The following CDK12 variants were observed in gnomAD, a reference collection of about 807,000 sequenced individuals.
CDK12 encodes cyclin dependent kinase 12.
Under a neutral mutation model 133.8 loss-of-function variants are expected in CDK12, and 17 were observed. That is an observed-to-expected ratio of 0.13 (90% CI 0.09 to 0.19). The LOEUF is 0.19. CDK12 is among the 10% of genes least tolerant of loss of function. CDK12 has a pLI of 1.00. For synonymous variants in CDK12, 694 were observed against 683.6 expected (o/e 1.02, Z -0.24); for missense variants, 1,508 against 1,818.7 (o/e 0.83, Z 3.11).
chr17:39,499,939 G>C (rs2052602495), intron 5 of CDK12, among the ~76,000 whole-genome samples: 1 of 152,188 alleles, frequency 6.6e-6, no homozygotes, highest in Admixed American at 6.6e-5. Flanking sequence ...AAATGGGCAT[G>C]GTTGTGTTAC....
intron 13 of CDK12, among the ~76,000 whole-genome samples, chr17:39,528,493 C>G (rs1045265026): frequency 6.6e-6 from 1 of 151,454 alleles, no homozygotes; most frequent in South Asian, 2.1e-4. Flanking sequence ...ACACCAGGCC[C>G]GGCTAATTTT....
intron 5 of CDK12, among the ~76,000 whole-genome samples, chr17:39,500,503 C>T (rs2052641638): frequency 2.0e-5 from 3 of 151,240 alleles, no homozygotes; most frequent in African/African-American, 4.9e-5. Context: ...TGTGGTGGCA[C>T]ATGCCTGTAA....
At chr17:39,524,499 C>G (rs1439425476) in intron 11 of CDK12, among the ~76,000 whole-genome samples, 175 bp from the exon 12 acceptor site, 1 of 152,188 alleles carries the variant, frequency 6.6e-6, no homozygotes, top group African/African-American at 2.4e-5. Context: ...TACCATCTGC[C>G]ATGATTTATT....
At chr17:39,518,461 A>C (rs1236606962) in intron 10 of CDK12, among the ~76,000 whole-genome samples, 4 of 151,892 alleles carry the variant, frequency 2.6e-5, no homozygotes, top group Non-Finnish European at 4.4e-5. Context: ...AGGCTGAGGC[A>C]GGAAGATCAC....
At chr17:39,562,186 C>T (rs1463053125) in intron 3 of CDK12, among the ~76,000 whole-genome samples, 1 of 152,226 alleles carries the variant, frequency 6.6e-6, no homozygotes, top group East Asian at 1.9e-4. Context: ...GATCCACCCG[C>T]CTCAGCCTCC....
intron 3 of CDK12, among the ~76,000 whole-genome samples, chr17:39,560,552 C>CT (rs1253722148): frequency 6.6e-6 from 1 of 152,212 alleles, no homozygotes; most frequent in African/African-American, 2.4e-5. Flanking sequence ...GATAATAAGG[C>CT]TTTTTCCACC....
intron 2 of CDK12, among the ~76,000 whole-genome samples, chr17:39,486,253 CTTT>C (rs35710234): frequency 5.8e-5 from 5 of 86,528 alleles, no homozygotes; most frequent in Admixed American, 4.2e-4. Context: ...CACCCTGCCT[CTTT>C]TTTTTTTTTT....
intron 6 of CDK12, 51 bp downstream of exon 6, chr17:39,501,490 T>A: frequency 1.6e-6 from 2 of 1,278,434 alleles, no homozygotes. Context: ...TCCTCTGACC[T>A]TTTTAGTTTC....
At chr17:39,483,047 G>T (rs1448636793) in intron 2 of CDK12, among the ~76,000 whole-genome samples, 1 of 151,864 alleles carries the variant, frequency 6.6e-6, no homozygotes, top group African/African-American at 2.4e-5. Context: ...TGAATAGCTG[G>T]GGTTACAGGC....
chr17:39,550,079 G>C (rs2055892212), upstream of CDK12: 1 of 152,088 alleles, frequency 6.6e-6, no homozygotes, highest in Non-Finnish European at 1.5e-5. Flanking sequence ...AGGGGGTGGA[G>C]AGACCAAGCT....
At chr17:39,542,172 T>A (rs749094957) in intron 1 of CDK12, among the ~76,000 whole-genome samples, 14 of 151,954 alleles carry the variant, frequency 9.2e-5, no homozygotes, top group Admixed American at 6.6e-4. Context: ...TGTGTGTGTG[T>A]GTATCTTAAA....
intron 8 of CDK12, among the ~76,000 whole-genome samples, chr17:39,513,044 T>C (rs1263698881): frequency 6.6e-6 from 1 of 152,216 alleles, no homozygotes; most frequent in African/African-American, 2.4e-5. Flanking sequence ...AGAAAACATC[T>C]TGTTTTTGGT....
chr17:39,508,034 CCT>C (rs2053241825), intron 6 of CDK12, among the ~76,000 whole-genome samples: 1 of 151,996 alleles, frequency 6.6e-6, no homozygotes, highest in East Asian at 1.9e-4. Flanking sequence ...TTGAGTATCC[CCT>C]GTGCTTGAGA....
upstream of CDK12, among the ~76,000 whole-genome samples, chr17:39,547,166 G>C (rs910009591): frequency 1.0e-5 from 1 of 98,572 alleles, no homozygotes; most frequent in South Asian, 3.1e-4. Context: ...ACGGAGTTTC[G>C]CTTTTGTTGC....
intron 2 of CDK12, among the ~76,000 whole-genome samples, chr17:39,489,368 C>T (rs1302402911): frequency 3.9e-5 from 6 of 152,042 alleles, no homozygotes; most frequent in South Asian, 4.2e-4. Context: ...CCGTGCCTGG[C>T]CAGTTTCTAT....
At chr17:39,493,050 T>C (rs1223704752) in intron 4 of CDK12, among the ~76,000 whole-genome samples, 160 bp downstream of exon 4, 2 of 152,086 alleles carry the variant, frequency 1.3e-5, no homozygotes, top group Non-Finnish European at 2.9e-5. Context: ...TGGAGTGCAG[T>C]GGTGCAGTCT....
At chr17:39,538,570 GCAC>G (rs1369242984), downstream of CDK12, among the ~76,000 whole-genome samples, 1 of 152,200 alleles carries the variant, frequency 6.6e-6, no homozygotes, top group African/African-American at 2.4e-5. Context: ...TGATTGATTA[GCAC>G]CTTGAGGCTA....
At chr17:39,524,031 CCTATT>C (rs2054342142) in intron 11 of CDK12, among the ~76,000 whole-genome samples, 1 of 152,096 alleles carries the variant, frequency 6.6e-6, no homozygotes, top group Non-Finnish European at 1.5e-5. Flanking sequence ...TTTGGGAACT[CCTATT>C]ATAGAGAGAT....
intron 11 of CDK12, 102 bp from the exon 12 acceptor site, chr17:39,524,572 C>T: frequency 9.9e-7 from 1 of 1,014,076 alleles, no homozygotes; most frequent in Non-Finnish European, 1.5e-6. Context: ...TTATTCTTTA[C>T]ATTTCCCACA....
Sources: gnomAD v4.1 joint callset for allele counts (sites outside exome capture counted in the v4.1 genomes callset) on GRCh38, gnomAD v4.1.1 for gene constraint, MANE v1.5 for transcripts, NCBI Gene and HGNC (gene_info 2026-07-23, HGNC 2026-07-21) for gene names.